Variants in RAB2A observed in about 807,000 individuals in gnomAD.
The protein encoded by RAB2A is RAB2A, member RAS oncogene family, also known as ras-related protein Rab-2A.
RAB2A carries 7 observed loss-of-function variants against 32.5 expected under a neutral mutation model. That is an observed-to-expected ratio of 0.22 (90% CI 0.12 to 0.40). The LOEUF (loss-of-function observed/expected upper bound fraction) is 0.40. Ranked by LOEUF, RAB2A falls within the 10% of genes least tolerant of loss-of-function variation. The pLI, the probability that RAB2A is intolerant of heterozygous loss-of-function variation, is 1.00. For missense variants in RAB2A, 108 were observed against 260.7 expected (o/e 0.41, Z 4.03); for synonymous variants, 79 against 85.2 (o/e 0.93, Z 0.40).
intron 6 of RAB2A, among the ~76,000 whole-genome samples, chr8:60,599,395 C>A (rs911091243): frequency 6.6e-6 from 1 of 152,118 alleles, no homozygotes; most frequent in Admixed American, 6.5e-5. Context: ...CAATTCATAT[C>A]AAACTTCCAG....
In RAB2A at chr8:60,600,558, T is replaced by G. The variant is rs113735387; in HGVS notation, c.474+8589T>G. Among the ~76,000 whole-genome samples the G allele has an allele frequency of 2.3e-3, 354 of 152,310 alleles. 2 individuals are homozygous for G. Among genetic ancestry groups the G allele is most frequent in the African/African-American group, 8.0e-3 (331 of 41,566 alleles). ...CCTAGCTGTTGCACCCCTGGACATTTATCCCAGATAAATGAAGAGTTAGGT... is the reference window on the plus strand; with the variant it reads ...CCTAGCTGTTGCACCCCTGGACATTGATCCCAGATAAATGAAGAGTTAGGT... On this transcript the variant is annotated intron_variant, in intron 6 of 7. Coordinates refer to ENST00000262646, the MANE Select transcript of RAB2A (RefSeq NM_002865.3).
intron 3 of RAB2A, among the ~76,000 whole-genome samples, chr8:60,576,928 A>G (rs1803642897): frequency 6.6e-6 from 1 of 152,180 alleles, no homozygotes; most frequent in African/African-American, 2.4e-5. Flanking sequence ...GGGACAGGAA[A>G]CTGTCTTAGA....
intron 3 of RAB2A, among the ~76,000 whole-genome samples, chr8:60,579,673 G>C (rs1803706426): frequency 6.6e-6 from 1 of 151,766 alleles, no homozygotes; most frequent in Non-Finnish European, 1.5e-5. Flanking sequence ...TGTCACCCAG[G>C]CTGGAGTGCG....
chr8:60,522,082 A>T (rs1331924700), intron 1 of RAB2A, among the ~76,000 whole-genome samples: 1 of 152,208 alleles, frequency 6.6e-6, no homozygotes, highest in Non-Finnish European at 1.5e-5. Flanking sequence ...GGTGGGAAAT[A>T]CTAGTGTTCA....
At chr8:60,533,726 T>C (rs1214889740) in intron 1 of RAB2A, among the ~76,000 whole-genome samples, 1 of 152,120 alleles carries the variant, frequency 6.6e-6, no homozygotes, top group Admixed American at 6.6e-5. Flanking sequence ...ATCCCAGCAT[T>C]TTAGGAGGCC....
At chr8:60,563,778 C>G (rs1211146664) in intron 2 of RAB2A, among the ~76,000 whole-genome samples, 1 of 152,176 alleles carries the variant, frequency 6.6e-6, no homozygotes, top group African/African-American at 2.4e-5. Flanking sequence ...CAGAATTATG[C>G]CATTGATTCT....
chr8:60,545,915 A>AT (rs1207820786), intron 1 of RAB2A, among the ~76,000 whole-genome samples: 4 of 152,174 alleles, frequency 2.6e-5, no homozygotes, highest in Non-Finnish European at 5.9e-5. Context: ...TAAATTATTC[A>AT]TTTTTCATTA....
At chr8:60,607,394 A>G (rs956865702) in intron 6 of RAB2A, among the ~76,000 whole-genome samples, 3 of 134,186 alleles carry the variant, frequency 2.2e-5, no homozygotes, top group Non-Finnish European at 4.5e-5. Flanking sequence ...GCGCCACTGC[A>G]CTCCAGCCTG....
At chr8:60,596,892 G>C (rs1457346952) in intron 6 of RAB2A, among the ~76,000 whole-genome samples, 1 of 152,138 alleles carries the variant, frequency 6.6e-6, no homozygotes, top group African/African-American at 2.4e-5. Flanking sequence ...TTGCACTCCA[G>C]CCTCGGCGAC....
chr8:60,594,136 T>A (rs1803986100), intron 6 of RAB2A, among the ~76,000 whole-genome samples: 1 of 152,130 alleles, frequency 6.6e-6, no homozygotes, highest in Admixed American at 6.5e-5. Flanking sequence ...TATAGGACTG[T>A]AACAAAAGCT....
chr8:60,607,264 C>T (rs559758390), intron 6 of RAB2A, among the ~76,000 whole-genome samples: 1 of 151,056 alleles, frequency 6.6e-6, no homozygotes, highest in East Asian at 2.0e-4. Flanking sequence ...CCTGTCTCTA[C>T]TAAAAATACA....
chr8:60,580,000 C>CTT lies in RAB2A; in HGVS notation c.187-4193_187-4192dup, dbSNP rs10714421. On this transcript the variant is annotated intron_variant, in intron 3 of 7. Coordinates refer to ENST00000262646, the MANE Select transcript of RAB2A (RefSeq NM_002865.3). ...TTTGGATAGGTATATATTAAAGCACCTTTTTTTTTTTTTTTTGAGACAGTC... is the reference window on the plus strand; with the variant it reads ...TTTGGATAGGTATATATTAAAGCACCTTTTTTTTTTTTTTTTTTGAGACAGTC... 3.6e-3 allele frequency among the ~76,000 whole-genome samples: 485 copies of CTT among 133,668 alleles called. 2 individuals are homozygous for CTT. The highest frequency in any genetic ancestry group is 8.4e-3 in the African/African-American group (301 of 35,768). 87.7% of individuals were successfully genotyped at this position (133,668 alleles called of 152,430 possible).
Position 60,623,054 on chromosome 8 carries a change from A to C in RAB2A, c.*2285A>C, listed in dbSNP as rs1458460121. On this transcript the variant is annotated 3_prime_UTR_variant, in exon 8 of 8. Transcript: ENST00000262646. ...ATAGCATCTATGGACATAGAAAATCAGTCACTGAAAAAAATAAACACAGCT... is the reference window on the plus strand; with the variant it reads ...ATAGCATCTATGGACATAGAAAATCCGTCACTGAAAAAAATAAACACAGCT... 6.6e-6 allele frequency: 1 copy of C among 152,234 alleles called. No homozygotes were observed. Among genetic ancestry groups the C allele is most frequent in the Non-Finnish European group, 1.5e-5 (1 of 68,046 alleles). The allele number at this position is 152,234 out of a possible 1,614,324, so 9.4% of individuals were successfully genotyped here. A position where few individuals can be genotyped will look rare whatever the true frequency, so the allele number is the denominator to read the frequency against.
chr8:60,565,226 C>T (rs150368115), intron 2 of RAB2A, among the ~76,000 whole-genome samples: 3 of 152,114 alleles, frequency 2.0e-5, no homozygotes, highest in South Asian at 2.1e-4. Context: ...TGAGACCAGC[C>T]AGGGCAACAA....
At chr8:60,574,866 C>A (rs35853087) in intron 3 of RAB2A, among the ~76,000 whole-genome samples, 36,026 of 151,940 alleles carry the variant, frequency 0.24, 4,331 homozygotes, top group Middle Eastern at 0.39. Flanking sequence ...GTAGAGGGCT[C>A]GTTTTCTTTC....
chr8:60,617,323 CTCTT>C (rs1169601022), intron 6 of RAB2A, among the ~76,000 whole-genome samples: 2 of 152,144 alleles, frequency 1.3e-5, no homozygotes, highest in Non-Finnish European at 2.9e-5. Context: ...CGTCTTTTCT[CTCTT>C]TATCGTAAGC....
intron 6 of RAB2A, among the ~76,000 whole-genome samples, chr8:60,610,050 G>A (rs1804311830): frequency 6.6e-6 from 1 of 151,676 alleles, no homozygotes; most frequent in Non-Finnish European, 1.5e-5. Flanking sequence ...GAATCTTTGT[G>A]GTTTGAAAAG....
intron 1 of RAB2A, among the ~76,000 whole-genome samples, chr8:60,521,279 A>T (rs1807298177): frequency 6.6e-6 from 1 of 152,196 alleles, no homozygotes; most frequent in Non-Finnish European, 1.5e-5. Context: ...ATGAGTAGGC[A>T]CCGCCAGAGT....
intron 5 of RAB2A, among the ~76,000 whole-genome samples, chr8:60,588,064 G>C (rs1432446390): frequency 6.6e-6 from 1 of 152,166 alleles, no homozygotes; most frequent in Non-Finnish European, 1.5e-5. Flanking sequence ...CTTCAGCCTA[G>C]GAGTTTGAGA....
Sources: allele counts gnomAD v4.1 joint callset (sites outside exome capture counted in the v4.1 genomes callset), GRCh38; gene constraint gnomAD v4.1.1; transcripts MANE v1.5; gene names NCBI Gene and HGNC (gene_info 2026-07-23, HGNC 2026-07-21).